The following ATXN10 variants were observed in gnomAD, a reference collection of about 807,000 sequenced individuals.
ATXN10 encodes ataxin 10, also known as ataxin-10.
ATXN10 carries 28 observed loss-of-function variants against 52.9 expected under a neutral mutation model. That is an observed-to-expected ratio of 0.53 (90% CI 0.39 to 0.73). The LOEUF (loss-of-function observed/expected upper bound fraction) is 0.73, where lower values mean the gene tolerates loss of function less well. ATXN10 is among the 30% of genes least tolerant of loss of function. ATXN10 has a pLI of 0.00. For missense variants in ATXN10, 565 were observed against 577.0 expected, an observed-to-expected ratio of 0.98 and a Z score of 0.21; for synonymous variants, 226 against 221.5, an observed-to-expected ratio of 1.02 and a Z score of -0.18.
At chr22:45,832,591 C>T (rs942970840) in intron 10 of ATXN10, among the ~76,000 whole-genome samples, 2 of 152,224 alleles carry the variant, frequency 1.3e-5, no homozygotes, top group Non-Finnish European at 2.9e-5. Context: ...ACTGGACTAT[C>T]CTGTTAGCTG....
Position 45,690,192 on chromosome 22 carries a change from C to T in ATXN10, c.308+289C>T, listed in dbSNP as rs1481881209. ...TCAGGAGACTGAGGTGGGAGGATTG[C>T]TTGGGCCAGGGAGAGGCAGAGGTTG... On this transcript the variant is annotated intron_variant, in intron 2 of 11. Coordinates refer to ENST00000252934, the MANE Select transcript of ATXN10 (RefSeq NM_013236.4). This position sits in a 1 kb window ranked among gnomAD's most constrained non-coding sequence, Gnocchi z 4.5. Among the ~76,000 whole-genome samples the T allele has an allele frequency of 6.6e-6, 1 of 151,414 alleles. No homozygotes were observed. Among genetic ancestry groups the T allele is most frequent in the Non-Finnish European group, 1.5e-5 (1 of 67,932 alleles).
intron 9 of ATXN10, among the ~76,000 whole-genome samples, chr22:45,794,461 AG>A (rs1250119995): frequency 1.3e-5 from 2 of 151,106 alleles, no homozygotes; most frequent in South Asian, 2.1e-4. Context: ...AAAAAAAAAA[AG>A]GATGTCTCTT....
chr22:45,745,353 C>T (rs944009092), intron 9 of ATXN10, among the ~76,000 whole-genome samples: 5 of 152,250 alleles, frequency 3.3e-5, no homozygotes, highest in East Asian at 1.9e-4. Flanking sequence ...ACCTTCCGCC[C>T]GCCAAGGAAA....
intron 1 of ATXN10, among the ~76,000 whole-genome samples, chr22:45,687,884 C>T (rs915776158): frequency 6.6e-6 from 1 of 152,140 alleles, no homozygotes; most frequent in Non-Finnish European, 1.5e-5. Flanking sequence ...TGGTGAAACC[C>T]TGTCTCTACT....
chr22:45,786,259 A>G lies in ATXN10; in HGVS notation c.1174-20700A>G, dbSNP rs1927319275. Among the ~76,000 whole-genome samples the G allele has an allele frequency of 6.6e-6, 1 of 152,236 alleles. No individual in the cohort carries two copies. The highest frequency in any genetic ancestry group is 1.5e-5 in the Non-Finnish European group (1 of 68,038). On this transcript the variant is annotated intron_variant, in intron 9 of 11. Transcript: ENST00000252934. The surrounding 1 kb of genome is among the most constrained non-coding windows in gnomAD (Gnocchi z 4.1). ...TCTGCCATTACTATTCTTGAAAAGC[A>G]TCTTTATTTTGTCACAAAAGCTTGG...
rs1170948077 is a variant in ATXN10 at position 45,835,776 on chromosome 22, C to G, written c.1238-7215C>G. ...GTGTGTATTAAATGCAAATCTTACTCTATATTCTTCAGATTGTAACCTATA... is the reference window on the plus strand; with the variant it reads ...GTGTGTATTAAATGCAAATCTTACTGTATATTCTTCAGATTGTAACCTATA... On this transcript the variant is annotated intron_variant, in intron 10 of 11. Transcript: ENST00000252934. This position sits in a 1 kb window ranked among gnomAD's most constrained non-coding sequence, Gnocchi z 5.0. 6.6e-6 allele frequency among the ~76,000 whole-genome samples: 1 copy of G among 152,200 alleles called. No homozygotes were observed. Among genetic ancestry groups the G allele is most frequent in the Non-Finnish European group, 1.5e-5 (1 of 68,038 alleles).
intron 9 of ATXN10, among the ~76,000 whole-genome samples, chr22:45,741,767 T>A (rs138172): frequency 6.6e-6 from 1 of 152,152 alleles, no homozygotes; most frequent in Non-Finnish European, 1.5e-5. Flanking sequence ...CTTCTTCAAA[T>A]AGCAATTATA....
At chr22:45,691,592 G>A (rs1032401407) in intron 2 of ATXN10, among the ~76,000 whole-genome samples, 4 of 152,224 alleles carry the variant, frequency 2.6e-5, no homozygotes, top group Non-Finnish European at 4.4e-5. Context: ...ACTGTTCTGA[G>A]CTTAAGCTCA....
intron 9 of ATXN10, among the ~76,000 whole-genome samples, chr22:45,797,788 A>G (rs138937989): frequency 1.9e-3 from 282 of 152,326 alleles, no homozygotes; most frequent in Non-Finnish European, 3.0e-3. Context: ...AGATTGATCA[A>G]TCTTTCCAGA....
rs780477287 is a variant in ATXN10, at chr22:45,754,309, T to C, written c.1173+13771T>C. Among the ~76,000 whole-genome samples the C allele has an allele frequency of 3.2e-4, 48 of 152,246 alleles. No individual in the cohort carries two copies. Among genetic ancestry groups the C allele is most frequent in the Non-Finnish European group, 6.3e-4 (43 of 68,036 alleles). ...CAACACCTCACATGTTGACTTAACT[T>C]GTGAGTCTCCCTTTCTTCATCTGTA... On this transcript the variant is annotated intron_variant, in intron 9 of 11. Coordinates refer to ENST00000252934, the MANE Select transcript of ATXN10 (RefSeq NM_013236.4). The surrounding 1 kb of genome is among the most constrained non-coding windows in gnomAD (Gnocchi z 5.4).
intron 5 of ATXN10, among the ~76,000 whole-genome samples, chr22:45,711,047 A>G (rs1601600779): frequency 2.0e-5 from 3 of 152,296 alleles, no homozygotes; most frequent in African/African-American, 7.2e-5. Context: ...TATTCCTGAA[A>G]ATCAGACATT....
At chr22:45,724,080 T>C (rs1924771277) in intron 6 of ATXN10, among the ~76,000 whole-genome samples, 1 of 152,038 alleles carries the variant, frequency 6.6e-6, no homozygotes, top group Non-Finnish European at 1.5e-5. Context: ...CTTTGTTCAT[T>C]CCTCAGTTGA....
intron 6 of ATXN10, among the ~76,000 whole-genome samples, chr22:45,722,096 C>T (rs1407935677): frequency 6.6e-6 from 1 of 152,148 alleles, no homozygotes; most frequent in Admixed American, 6.5e-5. Context: ...CTCAGAGCAG[C>T]CTGAGTGATG....
rs539327360 is a variant in ATXN10, at chr22:45,837,406, G to A, written c.1238-5585G>A. ...CTCCCGAGTAGCTGGGACTGCAGGCGGCTCACCAGCACGCCCAGCTGATTT... is the reference window on the plus strand; with the variant it reads ...CTCCCGAGTAGCTGGGACTGCAGGCAGCTCACCAGCACGCCCAGCTGATTT... On this transcript the variant is annotated intron_variant, in intron 10 of 11. Transcript: ENST00000252934. This position sits in a 1 kb window ranked among gnomAD's most constrained non-coding sequence, Gnocchi z 5.8. Among the ~76,000 whole-genome samples, 434 of 152,142 alleles carry A rather than the reference G, an allele frequency of 2.9e-3. 4 individuals are homozygous for A. The Middle Eastern group carries it at 0.037, about 13-fold the overall frequency.
rs561635906 is a variant in ATXN10 at position 45,770,989 on chromosome 22, C to T, written c.1173+30451C>T. 1.1e-4 allele frequency among the ~76,000 whole-genome samples: 16 copies of T among 152,300 alleles called. No homozygotes were observed. Among genetic ancestry groups the T allele is most frequent in the African/African-American group, 2.9e-4 (12 of 41,550 alleles). The stretch of plus-strand genomic sequence containing the variant: ...CGAGGCCAGCCCTTTTGGCTCTCTG[C>T]GGCTGCCTTCTTCCCTCCAATGCAA... On this transcript the variant is annotated intron_variant, in intron 9 of 11. Transcript: ENST00000252934. The surrounding 1 kb of genome is among the most constrained non-coding windows in gnomAD (Gnocchi z 4.5).
chr22:45,706,264 T>G (rs1924038560), intron 5 of ATXN10, among the ~76,000 whole-genome samples: 1 of 152,200 alleles, frequency 6.6e-6, no homozygotes, highest in Non-Finnish European at 1.5e-5. Context: ...CCCCTCTTCA[T>G]TCCTGATTTT....
chr22:45,672,121 A>G lies in ATXN10; in HGVS notation c.58A>G (p.Ile20Val), dbSNP rs1922470762. The change falls in exon 1 of 12, where the codon ATC (isoleucine) becomes GTC (valine). Residue 20 changes from isoleucine (I) to valine (V), a missense_variant. Physicochemically the swap from Ile to Val is conservative, Grantham distance 29. Coordinates refer to ENST00000252934, the MANE Select transcript of ATXN10 (RefSeq NM_013236.4). ...RLSGVMVPAPIQDLEALRALT... is the reference protein window; with the variant it reads ...RLSGVMVPAPVQDLEALRALT... ...GTCGGGCGTCATGGTGCCGGCGCCC[A>G]TCCAAGACCTGGAGGCCCTGCGCGC... 1 of 1,539,888 alleles carries G rather than the reference A, an allele frequency of 6.5e-7. No individual in the cohort carries two copies. The highest frequency in any genetic ancestry group is 1.2e-5 in the South Asian group (1 of 83,870).
chr22:45,793,769 T>C, intron 9 of ATXN10: 1 of 1,380,554 alleles, frequency 7.2e-7, no homozygotes, highest in South Asian at 2.0e-5. Flanking sequence ...TCCCCAGTGA[T>C]GCAGGACAGG....
At chr22:45,749,674 A>G (rs766710246) in intron 9 of ATXN10, among the ~76,000 whole-genome samples, 1 of 151,144 alleles carries the variant, frequency 6.6e-6, no homozygotes, top group Non-Finnish European at 1.5e-5. Context: ...CAGTTCTCCT[A>G]CCTCAGCCTC....
Sources: gnomAD v4.1 joint callset for allele counts (sites outside exome capture counted in the v4.1 genomes callset) on GRCh38, gnomAD v4.1.1 for gene constraint, Gnocchi (gnomAD v3.1) non-coding constraint, MANE v1.5 for transcripts, NCBI Gene and HGNC (gene_info 2026-07-23, HGNC 2026-07-21) for gene names.